The following PDCD1LG2 variants were observed in gnomAD, a reference collection of about 807,000 sequenced individuals.
PDCD1LG2 encodes the protein B7 dendritic cell molecule.
PDCD1LG2 carries 32 observed loss-of-function variants against 28.2 expected under a neutral mutation model. The ratio of observed to expected loss-of-function variants is 1.13; its 90% CI spans 0.86 to 1.52. PDCD1LG2 has a LOEUF of 1.52. Among genes scored for constraint, PDCD1LG2 ranks in the 40% most tolerant of loss-of-function variants. PDCD1LG2 has a pLI of 0.00. For missense variants in PDCD1LG2, 385 were observed against 323.8 expected, an observed-to-expected ratio of 1.19 and a Z score of -1.45; for synonymous variants, 116 against 120.2, an observed-to-expected ratio of 0.97 and a Z score of 0.23.
At chr9:5,540,494 G>C (rs1172231326) in intron 3 of PDCD1LG2, among the ~76,000 whole-genome samples, 6 of 152,056 alleles carry the variant, frequency 3.9e-5, no homozygotes, top group African/African-American at 1.4e-4. Context: ...AAAGAAGAGA[G>C]AAGATCCAAA....
At chr9:5,536,945 C>G (rs1400044342) in intron 3 of PDCD1LG2, among the ~76,000 whole-genome samples, 1 of 152,210 alleles carries the variant, frequency 6.6e-6, no homozygotes, top group East Asian at 1.9e-4. Flanking sequence ...ACTCACTCAT[C>G]ATGAATATAG....
chr9:5,536,160 C>T (rs575186605), intron 3 of PDCD1LG2, among the ~76,000 whole-genome samples: 20 of 152,266 alleles, frequency 1.3e-4, no homozygotes, highest in African/African-American at 4.3e-4. Flanking sequence ...ATATTGTGTT[C>T]GCCCTTATCC....
At chr9:5,530,585 G>A (rs764765509) in intron 2 of PDCD1LG2, among the ~76,000 whole-genome samples, 7 of 152,084 alleles carry the variant, frequency 4.6e-5, no homozygotes, top group Non-Finnish European at 1.0e-4. Context: ...AAGACACAGA[G>A]ATGAATTTGA....
At chr9:5,547,404 A>G (rs1816233936) in intron 3 of PDCD1LG2, among the ~76,000 whole-genome samples, 1 of 152,156 alleles carries the variant, frequency 6.6e-6, no homozygotes, top group Non-Finnish European at 1.5e-5. Flanking sequence ...GACTTTCCAC[A>G]CTGCCTGGTA....
rs1198815092 is a variant in PDCD1LG2, at chr9:5,569,833, T to C, written c.817-121T>C. 5 of 981,212 alleles carry C rather than the reference T, an allele frequency of 5.1e-6. No homozygotes were observed. Among genetic ancestry groups the C allele is most frequent in the South Asian group, 2.7e-5 (2 of 72,850 alleles). 60.8% of individuals were successfully genotyped at this position (981,212 alleles called of 1,614,324 possible). A position where few individuals can be genotyped will look rare whatever the true frequency, so the allele number is the denominator to read the frequency against. ...GTTTTAAATGAAAAGTTTTAAACCATGCGGCTTCCAGCTAGATGAACTTTT... is the reference window on the plus strand; with the variant it reads ...GTTTTAAATGAAAAGTTTTAAACCACGCGGCTTCCAGCTAGATGAACTTTT... On this transcript the variant is annotated intron_variant, in intron 6 of 6. Transcript: ENST00000397747. The surrounding 1 kb of genome is among the most constrained non-coding windows in gnomAD (Gnocchi z 4.1).
intron 1 of PDCD1LG2, among the ~76,000 whole-genome samples, chr9:5,515,308 G>A (rs1820136137): frequency 6.6e-6 from 1 of 152,190 alleles, no homozygotes; most frequent in Admixed American, 6.5e-5. Context: ...AGGTGGCATG[G>A]TTGTTTGAAC....
chr9:5,551,596 C>T (rs1816334965), intron 4 of PDCD1LG2, among the ~76,000 whole-genome samples: 1 of 152,208 alleles, frequency 6.6e-6, no homozygotes. Context: ...CTCCATTCTG[C>T]TGCTGGGCTA....
intron 3 of PDCD1LG2, among the ~76,000 whole-genome samples, chr9:5,544,919 G>A (rs936939989): frequency 6.6e-6 from 1 of 152,206 alleles, no homozygotes; most frequent in African/African-American, 2.4e-5. Context: ...AATATAGATT[G>A]TGTTACATAT....
At chr9:5,549,628 G>A (rs1460429040) in intron 4 of PDCD1LG2, 24 bp downstream of exon 4, 2 of 1,612,552 alleles carry the variant, frequency 1.2e-6, no homozygotes, top group Admixed American at 3.3e-5. Context: ...CCACTTCCTA[G>A]GTCTATCAGT....
Position 5,543,240 on chromosome 9 carries a change from T to TA in PDCD1LG2, c.362-6089dup, listed in dbSNP as rs767374579. 7.2e-5 allele frequency among the ~76,000 whole-genome samples: 11 copies of TA among 151,810 alleles called. No homozygotes were observed. The East Asian group carries it at 9.7e-4, about 13-fold the overall frequency. On this transcript the variant is annotated intron_variant, in intron 3 of 6. Transcript: ENST00000397747. ...GGAAAGGATGGTTGGGGGTGAGAGATAAAAAACTCCACATTTGGGCCAGGC... is the reference window on the plus strand; with the variant it reads ...GGAAAGGATGGTTGGGGGTGAGAGATAAAAAAACTCCACATTTGGGCCAGGC...
rs1008674430 is a variant in PDCD1LG2 at position 5,570,891 on chromosome 9, G to A, written c.*932G>A. 6 of 232,708 alleles carry A rather than the reference G, an allele frequency of 2.6e-5. No homozygotes were observed. The highest frequency in any genetic ancestry group is 6.1e-5 in the East Asian group (1 of 16,524). The allele number at this position is 232,708 out of a possible 1,614,324, so 14.4% of individuals were successfully genotyped here. A position where few individuals can be genotyped will look rare whatever the true frequency, so the allele number is the denominator to read the frequency against. On this transcript the variant is annotated 3_prime_UTR_variant, in exon 7 of 7. Coordinates refer to ENST00000397747, the MANE Select transcript of PDCD1LG2 (RefSeq NM_025239.4). ...CACATCTGTAATACAGCAATGCTAAGTAGTCAAGGCCTTTGATAATTGGCA... is the reference window on the plus strand; with the variant it reads ...CACATCTGTAATACAGCAATGCTAAATAGTCAAGGCCTTTGATAATTGGCA...
In PDCD1LG2 at chr9:5,549,421, C is replaced by G. The variant is rs774062534; in HGVS notation, c.448C>G (p.Leu150Val). 1.5e-5 allele frequency: 25 copies of G among 1,614,094 alleles called. No individual in the cohort carries two copies. Among genetic ancestry groups the G allele is most frequent in the Non-Finnish European group, 1.9e-5 (23 of 1,180,042 alleles). Residue 150 changes from leucine to valine, a missense_variant, in exon 4 of 7, where the codon CTG (leucine) becomes GTG (valine). Leu to Val is a conservative substitution (Grantham distance 32). Transcript: ENST00000397747. ...ELTCQATGYP[L>V]AEVSWPNVSV... ...CACCTGCCAGGCTACAGGTTATCCT[C>G]TGGCAGAAGTATCCTGGCCAAACGT...
chr9:5,545,870 A>G (rs1327422239), intron 3 of PDCD1LG2, among the ~76,000 whole-genome samples: 1 of 152,204 alleles, frequency 6.6e-6, no homozygotes, highest in Admixed American at 6.5e-5. Flanking sequence ...ATCTAGGAGA[A>G]TTGCTGTAGA....
At chr9:5,515,955 G>GA (rs1820153780) in intron 1 of PDCD1LG2, among the ~76,000 whole-genome samples, 7 of 114,660 alleles carry the variant, frequency 6.1e-5, no homozygotes, top group Non-Finnish European at 1.3e-4. Context: ...AAAAAGAAAA[G>GA]AAAGAAAGAA....
At chr9:5,544,221 T>C (rs1019304518) in intron 3 of PDCD1LG2, among the ~76,000 whole-genome samples, 1 of 152,140 alleles carries the variant, frequency 6.6e-6, no homozygotes, top group Non-Finnish European at 1.5e-5. Context: ...TGAGGGAGAC[T>C]GAGAAGCCAA....
At chr9:5,567,587 AC>A (rs966004027) in intron 6 of PDCD1LG2, among the ~76,000 whole-genome samples, 4 of 152,224 alleles carry the variant, frequency 2.6e-5, no homozygotes, top group Admixed American at 6.5e-5. Flanking sequence ...TATCCTAGCT[AC>A]CTCATTTCAC....
At chr9:5,533,045 G>T (rs1025845276) in intron 2 of PDCD1LG2, among the ~76,000 whole-genome samples, 1 of 152,144 alleles carries the variant, frequency 6.6e-6, no homozygotes, top group African/African-American at 2.4e-5. Flanking sequence ...ATGCTCTTCC[G>T]TATCACATTT....
chr9:5,524,364 T>A lies in PDCD1LG2; in HGVS notation c.55+1763T>A, dbSNP rs879070198. On this transcript the variant is annotated intron_variant, in intron 2 of 6. Transcript: ENST00000397747. ...TCTGAATATGGATACGTATTGAATG[T>A]TTATTCTGGATATTCACAGAATCAA... Among the ~76,000 whole-genome samples, 12 of 152,364 alleles carry A rather than the reference T, an allele frequency of 7.9e-5. No individual in the cohort carries two copies. The East Asian group carries it at 1.2e-3, about 15-fold the overall frequency.
intron 4 of PDCD1LG2, among the ~76,000 whole-genome samples, chr9:5,552,162 CCAGTGAA>C (rs1816347782): frequency 6.6e-6 from 1 of 152,164 alleles, no homozygotes; most frequent in South Asian, 2.1e-4. Context: ...GTAAAAAGAA[CCAGTGAA>C]TCAGCGGACC....
Sources: allele counts gnomAD v4.1 joint callset (sites outside exome capture counted in the v4.1 genomes callset), GRCh38; gene constraint gnomAD v4.1.1; non-coding constraint Gnocchi (gnomAD v3.1); transcripts MANE v1.5; gene names NCBI Gene and HGNC (gene_info 2026-07-23, HGNC 2026-07-21).